The following EMP2 variants were observed in gnomAD, a reference collection of about 807,000 sequenced individuals.
The protein encoded by EMP2 is epithelial membrane protein 2.
A neutral mutation model predicts 13.7 loss-of-function variants in EMP2; 19 were observed. The observed-to-expected ratio is 1.38, with a 90% confidence interval of 0.97 to 2.03. The LOEUF (loss-of-function observed/expected upper bound fraction) is 2.03, where lower values mean the gene tolerates loss of function less well. Ranked by LOEUF, EMP2 falls within the 30% of genes most tolerant of loss-of-function variation. The probability of loss-of-function intolerance (pLI) is 0.00; values close to 1 mark genes in which losing one functional copy is unlikely to be tolerated. For missense variants in EMP2, 253 were observed against 220.7 expected (o/e 1.15, Z -0.93); for synonymous variants, 97 against 84.7 (o/e 1.15, Z -0.80).
chr16:10,571,771 G>C (rs1034463856), intron 1 of EMP2, among the ~76,000 whole-genome samples: 7 of 152,252 alleles, frequency 4.6e-5, no homozygotes, highest in African/African-American at 1.7e-4. Flanking sequence ...CTGAGATGAA[G>C]AGAGGGGATG....
intron 3 of EMP2, among the ~76,000 whole-genome samples, chr16:10,542,431 A>T (rs954872495): frequency 9.0e-6 from 1 of 111,654 alleles, no homozygotes; most frequent in African/African-American, 4.2e-5. Context: ...AAAACCAAAA[A>T]ACTAAACCCT....
At chr16:10,572,299 A>G (rs1200435646) in intron 1 of EMP2, among the ~76,000 whole-genome samples, 2 of 151,962 alleles carry the variant, frequency 1.3e-5, no homozygotes, top group African/African-American at 4.8e-5. Context: ...TCTACAAAAA[A>G]TTTAAAAATT....
chr16:10,552,626 TA>T (rs1318471444), intron 1 of EMP2, among the ~76,000 whole-genome samples: 4 of 152,238 alleles, frequency 2.6e-5, no homozygotes, highest in Non-Finnish European at 5.9e-5. Context: ...TTATTGTATT[TA>T]TTTTTAACGT....
intron 4 of EMP2, among the ~76,000 whole-genome samples, chr16:10,535,775 C>CACGCCTCTAACTGGCAGATACAGA (rs1176199892): frequency 1.3e-5 from 2 of 152,152 alleles, no homozygotes; most frequent in African/African-American, 4.8e-5. Context: ...GTGGGGGGTC[C>CACGCCTCTAACTGGCAGATACAGA]ACGCCTCTAA....
chr16:10,555,827 T>C (rs375200848), intron 1 of EMP2, among the ~76,000 whole-genome samples: 101 of 152,356 alleles, frequency 6.6e-4, no homozygotes, highest in Middle Eastern at 3.4e-3. Flanking sequence ...TCTCGGGTGA[T>C]CTGCCTGCCT....
intron 1 of EMP2, among the ~76,000 whole-genome samples, chr16:10,549,717 A>ACACG (rs2050769124): frequency 2.3e-5 from 2 of 88,236 alleles, no homozygotes; most frequent in African/African-American, 6.8e-5. Flanking sequence ...TAATGCACGC[A>ACACG]CACACACACA....
intron 1 of EMP2, among the ~76,000 whole-genome samples, chr16:10,561,511 G>C (rs767877916): frequency 2.3e-4 from 35 of 152,144 alleles, no homozygotes; most frequent in South Asian, 2.1e-4. Flanking sequence ...GGGCAACCAA[G>C]AGCACATGAT....
intron 1 of EMP2, among the ~76,000 whole-genome samples, chr16:10,568,191 G>T (rs2050922132): frequency 1.3e-5 from 2 of 152,172 alleles, no homozygotes; most frequent in Non-Finnish European, 2.9e-5. Context: ...AACCTCTGGG[G>T]ACAGCCCCCA....
chr16:10,550,353 C>T (rs560675624), intron 1 of EMP2, among the ~76,000 whole-genome samples: 1 of 152,190 alleles, frequency 6.6e-6, no homozygotes, highest in Non-Finnish European at 1.5e-5. Flanking sequence ...AGCTGATACA[C>T]TGCATTTTCG....
intron 1 of EMP2, among the ~76,000 whole-genome samples, chr16:10,579,450 G>A (rs867680699): frequency 7.9e-5 from 12 of 151,988 alleles, no homozygotes; most frequent in African/African-American, 1.2e-4. Flanking sequence ...ATACCTTCAC[G>A]ATACTGTGTA....
chr16:10,555,281 A>C (rs1472674115), intron 1 of EMP2, among the ~76,000 whole-genome samples: 1 of 152,198 alleles, frequency 6.6e-6, no homozygotes, highest in Non-Finnish European at 1.5e-5. Context: ...ACTTTGAAGC[A>C]TAACTTTCGC....
At chr16:10,551,249 G>T (rs2050786405) in intron 1 of EMP2, among the ~76,000 whole-genome samples, 1 of 152,094 alleles carries the variant, frequency 6.6e-6, no homozygotes, top group African/African-American at 2.4e-5. Context: ...ACAATAGTGT[G>T]GCCTTTTGTG....
intron 1 of EMP2, among the ~76,000 whole-genome samples, chr16:10,571,983 G>C (rs2142210795): frequency 6.6e-6 from 1 of 152,306 alleles, no homozygotes; most frequent in South Asian, 2.1e-4. Flanking sequence ...TGAATTTCAA[G>C]GCACTTTCCA....
Position 10,568,936 on chromosome 16 carries a change from G to A in EMP2, c.-61+11613C>T, listed in dbSNP as rs180949252. Among the ~76,000 whole-genome samples the A allele has an allele frequency of 5.1e-3, 775 of 152,020 alleles. 7 individuals carry two copies. The highest frequency in any genetic ancestry group is 5.5e-3 in the Non-Finnish European group (376 of 67,958). On this transcript the variant is annotated intron_variant, in intron 1 of 4. Coordinates refer to ENST00000359543, the MANE Select transcript of EMP2 (RefSeq NM_001424.6). ...TGAGTAGCTGGGATTACATGCGCCTGCCACCACGCCAGGCTAATTTTTTGT... is the reference window on the plus strand; with the variant it reads ...TGAGTAGCTGGGATTACATGCGCCTACCACCACGCCAGGCTAATTTTTTGT...
chr16:10,542,490 T>C (rs1177116613), intron 3 of EMP2, among the ~76,000 whole-genome samples: 6 of 149,346 alleles, frequency 4.0e-5, no homozygotes, highest in Non-Finnish European at 8.9e-5. Context: ...GTATGTCCCA[T>C]GTTATATTAA....
intron 2 of EMP2, chr16:10,545,108 A>G (rs1329723926): frequency 3.9e-5 from 6 of 152,148 alleles, no homozygotes; most frequent in African/African-American, 9.7e-5. Context: ...TCTTCTTAGT[A>G]TGTGCCATGA....
intron 1 of EMP2, among the ~76,000 whole-genome samples, chr16:10,562,433 A>C (rs1233462989): frequency 6.6e-6 from 1 of 150,768 alleles, no homozygotes; most frequent in Non-Finnish European, 1.5e-5. Context: ...CTGTGTGAAC[A>C]AGCCCAGGCT....
intron 3 of EMP2, among the ~76,000 whole-genome samples, chr16:10,542,210 C>G (rs1174181428): frequency 6.6e-6 from 1 of 152,034 alleles, no homozygotes; most frequent in African/African-American, 2.4e-5. Context: ...CCAGCCTGGG[C>G]AACATGGTGA....
Position 10,543,623 on chromosome 16 carries a change from C to A in EMP2, c.116G>T (p.Trp39Leu). The change falls in exon 3 of 5, where the codon TGG becomes TTG. Residue 39 changes from tryptophan (W) to leucine (L), a missense_variant. Transcript: ENST00000359543. ...ATTCGTGTTGTTGGTACATATTCTC[C>A]AGACATCTGCAAAAAACTCATCTCC... ...WVGDEFFADVWRICTNNTNCT... is the reference protein window; with the variant it reads ...WVGDEFFADVLRICTNNTNCT... 6.2e-7 allele frequency: 1 copy of A among 1,614,220 alleles called. No homozygotes were observed. The highest frequency in any genetic ancestry group is 8.5e-7 in the Non-Finnish European group (1 of 1,180,030).
Sources: gnomAD v4.1 joint callset for allele counts (sites outside exome capture counted in the v4.1 genomes callset) on GRCh38, gnomAD v4.1.1 for gene constraint, MANE v1.5 for transcripts, NCBI Gene and HGNC (gene_info 2026-07-23, HGNC 2026-07-21) for gene names.